The following ARHGAP44 variants were observed in gnomAD, a reference collection of about 807,000 sequenced individuals.
ARHGAP44 encodes rho GTPase-activating protein 44.
ARHGAP44 carries 43 observed loss-of-function variants against 106.8 expected under a neutral mutation model. The ratio of observed to expected loss-of-function variants is 0.40; its 90% CI spans 0.32 to 0.52. ARHGAP44 has a LOEUF of 0.52. ARHGAP44 is among the 20% of genes least tolerant of loss of function. The pLI, the probability that ARHGAP44 is intolerant of heterozygous loss-of-function variation, is 0.48. For missense variants in ARHGAP44, 866 were observed against 1,050.5 expected (o/e 0.82, Z 2.43); for synonymous variants, 439 against 410.3 (o/e 1.07, Z -0.85).
intron 7 of ARHGAP44, among the ~76,000 whole-genome samples, chr17:12,937,179 G>A (rs548682412): frequency 3.9e-5 from 6 of 152,312 alleles, no homozygotes; most frequent in Admixed American, 3.3e-4. Context: ...GGTTGGCGTT[G>A]AGTATTTCCC....
chr17:12,959,596 C>T (rs78855163), intron 16 of ARHGAP44, among the ~76,000 whole-genome samples: 1 of 152,190 alleles, frequency 6.6e-6, no homozygotes. Flanking sequence ...GCACAGCTGA[C>T]TCACGGTGAG....
chr17:12,929,084 TG>T, intron 7 of ARHGAP44, 38 bp downstream of exon 7: 1 of 1,556,360 alleles, frequency 6.4e-7, no homozygotes, highest in Non-Finnish European at 8.8e-7. Context: ...TGGGACAGGC[TG>T]GGGAGCCCTC....
chr17:12,980,269 C>T (rs768931298), intron 19 of ARHGAP44, 36 bp downstream of exon 19: 44 of 1,568,564 alleles, frequency 2.8e-5, no homozygotes, highest in East Asian at 2.0e-4. Context: ...GGTCTCAGGC[C>T]GGAGGTGGCT....
At position 12,843,896 on chromosome 17, in the gene ARHGAP44, A is replaced by T. The variant is rs889098923; in HGVS notation, c.54-51044A>T. Among the ~76,000 whole-genome samples the T allele has an allele frequency of 2.6e-5, 4 of 151,962 alleles. No individual in the cohort carries two copies. The South Asian group carries it at 8.3e-4, about 32-fold the overall frequency. ...GCTCTCAATCTCTTGACCTCAAGTG[A>T]TCCACCCACCTTGACCTTCCAAAGT... On this transcript the variant is annotated intron_variant, in intron 1 of 20. Transcript: ENST00000379672.
chr17:12,896,912 T>G lies in ARHGAP44; in HGVS notation c.198+401T>G, dbSNP rs554551082. ...ATCTTAAGATCTCATGGAAAAAAAGTGTATTGTGGTTTTAGAGGTTACAAG... is the reference window on the plus strand; with the variant it reads ...ATCTTAAGATCTCATGGAAAAAAAGGGTATTGTGGTTTTAGAGGTTACAAG... On this transcript the variant is annotated intron_variant, in intron 3 of 20. Coordinates refer to ENST00000379672, the MANE Select transcript of ARHGAP44 (RefSeq NM_014859.6). Among the ~76,000 whole-genome samples, 8 of 152,332 alleles carry G rather than the reference T, an allele frequency of 5.3e-5. No homozygotes were observed. The South Asian group carries it at 1.0e-3, about 20-fold the overall frequency.
chr17:12,866,665 GT>G (rs1462992617), intron 1 of ARHGAP44, among the ~76,000 whole-genome samples: 1 of 152,210 alleles, frequency 6.6e-6, no homozygotes, highest in Non-Finnish European at 1.5e-5. Flanking sequence ...ATTCATAGGG[GT>G]TATTGGAACC....
At chr17:12,884,621 C>T (rs2036831525) in intron 1 of ARHGAP44, among the ~76,000 whole-genome samples, 1 of 152,134 alleles carries the variant, frequency 6.6e-6, no homozygotes, top group South Asian at 2.1e-4. Context: ...ATGTAACCTC[C>T]ACCACAAACG....
chr17:12,943,794 C>T lies in ARHGAP44; in HGVS notation c.733+125C>T, dbSNP rs892569997. The T allele has an allele frequency of 3.2e-5, 35 of 1,086,408 alleles. No homozygotes were observed. The African/African-American group carries it at 5.4e-4, about 17-fold the overall frequency. The allele number at this position is 1,086,408 out of a possible 1,614,324, so 67.3% of individuals were successfully genotyped here. On this transcript the variant is annotated intron_variant, in intron 9 of 20. Transcript: ENST00000379672. ...CCAACAGCATCACCTGTAGATGAGC[C>T]TTTTGGACTTACTTCCAAACTGGTG...
chr17:12,809,955 G>T (rs1370655363), intron 1 of ARHGAP44, among the ~76,000 whole-genome samples: 1 of 152,178 alleles, frequency 6.6e-6, no homozygotes. Flanking sequence ...CAGGTGGGAT[G>T]AGGGGCTGGA....
At chr17:12,826,551 T>C (rs1172977825) in intron 1 of ARHGAP44, among the ~76,000 whole-genome samples, 2 of 152,244 alleles carry the variant, frequency 1.3e-5, no homozygotes, top group Non-Finnish European at 2.9e-5. Flanking sequence ...CCTAATGCTC[T>C]TCAATTTTAT....
At chr17:12,959,089 G>T in intron 16 of ARHGAP44, 192 bp downstream of exon 16, 1 of 651,212 alleles carries the variant, frequency 1.5e-6, no homozygotes, top group Non-Finnish European at 2.7e-6. Flanking sequence ...TTAGACCAGA[G>T]GTCAGTGTAG....
At chr17:12,895,474 G>T (rs1034425972) in intron 2 of ARHGAP44, among the ~76,000 whole-genome samples, 2 of 152,126 alleles carry the variant, frequency 1.3e-5, no homozygotes, top group Non-Finnish European at 2.9e-5. Context: ...GTGTCTGTTG[G>T]CTGCATAAAT....
At chr17:12,939,829 C>G (rs1008621115) in intron 7 of ARHGAP44, among the ~76,000 whole-genome samples, 1 of 152,236 alleles carries the variant, frequency 6.6e-6, no homozygotes, top group Non-Finnish European at 1.5e-5. Context: ...ATAACATTGT[C>G]TAATCTGTAC....
intron 18 of ARHGAP44, among the ~76,000 whole-genome samples, chr17:12,979,404 C>G (rs1356548272): frequency 1.3e-5 from 2 of 152,194 alleles, no homozygotes; most frequent in African/African-American, 4.8e-5. Flanking sequence ...CCAGAGCCCT[C>G]ACTGCCATCG....
At chr17:12,802,845 G>A (rs1355861280) in intron 1 of ARHGAP44, among the ~76,000 whole-genome samples, 2 of 123,382 alleles carry the variant, frequency 1.6e-5, no homozygotes, top group Admixed American at 9.9e-5. Context: ...TGCAACCTCC[G>A]CCTCCCGGGT....
intron 1 of ARHGAP44, among the ~76,000 whole-genome samples, chr17:12,850,249 A>G (rs2035698983): frequency 6.6e-6 from 1 of 152,226 alleles, no homozygotes; most frequent in Non-Finnish European, 1.5e-5. Flanking sequence ...CAGCTGGCTG[A>G]TAAGGACCTG....
intron 18 of ARHGAP44, 122 bp downstream of exon 18, chr17:12,974,432 A>G: frequency 4.5e-6 from 4 of 884,740 alleles, no homozygotes; most frequent in South Asian, 2.6e-5. Context: ...ATTTCTAAGC[A>G]TTCATATTTG....
chr17:12,802,988 T>TTTTTA lies in ARHGAP44; in HGVS notation c.53+13099_53+13100insTTATT, dbSNP rs1368277635. 6.8e-5 allele frequency among the ~76,000 whole-genome samples: 8 copies of TTTTTA among 117,356 alleles called. 1 individual carries two copies. The highest frequency in any genetic ancestry group is 2.7e-4 in the African/African-American group (8 of 29,104). The allele number at this position is 117,356 out of a possible 152,430, so 77.0% of individuals were successfully genotyped here. A position where few individuals can be genotyped will look rare whatever the true frequency, so the allele number is the denominator to read the frequency against. ...ATATATATTTTTTTTTTTTTTTTTTTTTGAGGCAGAGTCTAGCTCTGTCAC... is the reference window on the plus strand; with the variant it reads ...ATATATATTTTTTTTTTTTTTTTTTTTTTTATTGAGGCAGAGTCTAGCTCTGTCAC... On this transcript the variant is annotated intron_variant, in intron 1 of 20. Transcript: ENST00000379672.
At position 12,928,992 on chromosome 17, in the gene ARHGAP44, T is replaced by C. The variant is rs1459363079; in HGVS notation, c.528T>C (p.Ala176=). 2 of 1,613,438 alleles carry C rather than the reference T, an allele frequency of 1.2e-6. No homozygotes were observed. Among genetic ancestry groups the C allele is most frequent in the Non-Finnish European group, 1.7e-6 (2 of 1,179,728 alleles). The change falls in exon 7 of 21, where the codon GCT becomes GCC. Residue 176 remains alanine (A), a synonymous_variant. Coordinates refer to ENST00000379672, the MANE Select transcript of ARHGAP44 (RefSeq NM_014859.6). The part of the protein sequence containing the change: ...SSSLQPAGAK[A]DALREEMEEA... ...GCTTACAGCCTGCGGGTGCCAAGGC[T>C]GATGCCCTCAGGGAAGAAATGGAAG... is the stretch of plus-strand genomic sequence containing the variant.
Sources: allele counts gnomAD v4.1 joint callset (sites outside exome capture counted in the v4.1 genomes callset), GRCh38; gene constraint gnomAD v4.1.1; transcripts MANE v1.5; gene names NCBI Gene and HGNC (gene_info 2026-07-23, HGNC 2026-07-21).